The following MID2 variants were observed in gnomAD, a reference collection of about 807,000 sequenced individuals.
MID2 encodes midline 2.
In MID2, 13 loss-of-function variants were observed where a neutral mutation model predicts 46.1. That is an observed-to-expected ratio of 0.28 (90% confidence interval 0.18 to 0.45). The LOEUF (loss-of-function observed/expected upper bound fraction) is 0.45. Among genes scored for constraint, MID2 ranks in the 20% least tolerant of loss-of-function variants. MID2 has a pLI of 1.00. For synonymous variants in MID2, 199 were observed against 212.3 expected (o/e 0.94, Z 0.55); for missense variants, 431 against 575.4 (o/e 0.75, Z 2.57).
At chrX:107,905,740 A>G in intron 5 of MID2, 114 bp downstream of exon 5, 4 of 633,986 alleles carry the variant, frequency 6.3e-6, no homozygotes, top group Non-Finnish European at 9.5e-6. Context: ...TTTACCAGTT[A>G]AGTAGTTATT....
intron 1 of MID2, among the ~76,000 whole-genome samples, chrX:107,828,305 C>CTT (rs1290598489): frequency 1.8e-4 from 16 of 89,028 alleles, no homozygotes; most frequent in African/African-American, 8.9e-4. Flanking sequence ...TTCTTTCTTT[C>CTT]TTTTCTTTTT....
rs1933130751 is a variant in MID2 at position 107,924,347 on chromosome X, G to A, written c.1440G>A (p.Leu480=). 8.3e-7 allele frequency: 1 copy of A among 1,208,593 alleles called. No homozygotes were observed. Among genetic ancestry groups the A allele is most frequent in the Non-Finnish European group, 1.1e-6 (1 of 893,034 alleles). The change falls in exon 8 of 10, where the codon CTG becomes CTA. Residue 480 remains leucine, a synonymous_variant. Transcript: ENST00000262843. The stretch of plus-strand genomic sequence containing the variant: ...TTGTCTTTCCCCATGTTACAGGCCT[G>A]TATAATTCAGTAGACAGCTGGATGA... ...CSRLAGAPRG[L]YNSVDSWMIV...
At chrX:107,838,714 T>C (rs1250680997) in intron 1 of MID2, among the ~76,000 whole-genome samples, 1 of 112,432 alleles carries the variant, frequency 8.9e-6, no homozygotes, top group East Asian at 2.8e-4. Flanking sequence ...CCTGTGACAA[T>C]ATCTGAACAA....
chrX:107,841,348 AGGTCGC>A lies in MID2; in HGVS notation c.684_689del (p.Val229_Ala230del). On this transcript the variant is annotated inframe_deletion, in exon 2 of 10. Coordinates refer to ENST00000262843, the MANE Select transcript of MID2 (RefSeq NM_012216.4). Reference sequence around the variant, plus strand: ...CTGGTGGGTCGTCACCGAGACCATCAGGTCGCATCCCTGAATGATCGATTTGAGAAA... The same window carrying A: ...CTGGTGGGTCGTCACCGAGACCATCAATCCCTGAATGATCGATTTGAGAAA... The A allele has an allele frequency of 1.7e-6, 2 of 1,205,134 alleles. No individual in the cohort carries two copies. Among genetic ancestry groups the A allele is most frequent in the Non-Finnish European group, 2.2e-6 (2 of 891,337 alleles).
At chrX:107,844,446 C>T (rs1931416318) in intron 2 of MID2, among the ~76,000 whole-genome samples, 1 of 111,731 alleles carries the variant, frequency 9.0e-6, no homozygotes, top group African/African-American at 3.2e-5. Flanking sequence ...TCACTTTTCA[C>T]TCACTAGTCC....
intron 5 of MID2, among the ~76,000 whole-genome samples, chrX:107,908,534 A>C (rs1381372484): frequency 9.0e-6 from 1 of 110,887 alleles, no homozygotes; most frequent in African/African-American, 3.3e-5. Context: ...AGATATTATA[A>C]CTTTCATCTC....
intron 1 of MID2, among the ~76,000 whole-genome samples, chrX:107,835,368 A>G (rs1931179758): frequency 8.9e-6 from 1 of 111,850 alleles, no homozygotes; most frequent in Non-Finnish European, 1.9e-5. Context: ...TTGGGTATAT[A>G]CCTAGGAGTG....
intron 2 of MID2, among the ~76,000 whole-genome samples, chrX:107,847,512 T>C (rs778068126): frequency 9.0e-6 from 1 of 111,712 alleles, no homozygotes; most frequent in South Asian, 3.8e-4. Context: ...TTATACACCA[T>C]GAAGAGAATG....
chrX:107,885,116 T>TA (rs1196491431), intron 3 of MID2, among the ~76,000 whole-genome samples: 1 of 110,006 alleles, frequency 9.1e-6, no homozygotes, highest in Non-Finnish European at 1.9e-5. Context: ...TTTATTTATT[T>TA]ATTTATTTAT....
At chrX:107,885,393 T>C (rs1932429787) in intron 3 of MID2, among the ~76,000 whole-genome samples, 1 of 108,755 alleles carries the variant, frequency 9.2e-6, no homozygotes, top group Admixed American at 9.9e-5. Context: ...GTCTTTGCGA[T>C]AGTTTGCTGA....
rs1480133894 is a variant in MID2 at position 107,841,390 on chromosome X, G to C, written c.720+5G>C. ...GATCGATTTGAGAAACTCAAGGTAA[G>C]GGATCTGGGGAGCATCCCCTATACA... On this transcript the variant is annotated splice_donor_5th_base_variant and intron_variant, in intron 2 of 9. Transcript: ENST00000262843. 7.0e-6 allele frequency: 8 copies of C among 1,146,534 alleles called. No individual in the cohort carries two copies. Among genetic ancestry groups the C allele is most frequent in the Non-Finnish European group, 8.2e-6 (7 of 850,235 alleles). 94.5% of individuals were successfully genotyped at this position (1,146,534 alleles called of 1,213,427 possible).
At chrX:107,916,694 T>G (rs1322077210) in intron 6 of MID2, among the ~76,000 whole-genome samples, 1 of 112,832 alleles carries the variant, frequency 8.9e-6, no homozygotes, top group Non-Finnish European at 1.9e-5. Flanking sequence ...GTTACTATAT[T>G]AAATAGCTGC....
At chrX:107,834,383 T>A (rs192141891) in intron 1 of MID2, among the ~76,000 whole-genome samples, 61 of 112,096 alleles carry the variant, frequency 5.4e-4, no homozygotes, top group Admixed American at 9.5e-4. Context: ...ATTTCATCAA[T>A]GCGTTTTTAT....
At chrX:107,839,186 T>A (rs1203094133) in intron 1 of MID2, among the ~76,000 whole-genome samples, 2 of 111,065 alleles carry the variant, frequency 1.8e-5, no homozygotes, top group Non-Finnish European at 3.8e-5. Context: ...CAGTAAGATA[T>A]GTTTTATATT....
chrX:107,911,521 C>T (rs893690293), intron 5 of MID2, among the ~76,000 whole-genome samples: 7 of 111,632 alleles, frequency 6.3e-5, no homozygotes, highest in Non-Finnish European at 1.1e-4. Flanking sequence ...TTTGTGGATA[C>T]GAACTATTTG....
chrX:107,859,665 G>A (rs925773324), intron 3 of MID2, among the ~76,000 whole-genome samples: 1 of 112,592 alleles, frequency 8.9e-6, no homozygotes, highest in Non-Finnish European at 1.9e-5. Flanking sequence ...CATGGAGGAG[G>A]AAACACTCAG....
At chrX:107,911,603 A>G (rs1255514558) in intron 5 of MID2, among the ~76,000 whole-genome samples, 2 of 111,719 alleles carry the variant, frequency 1.8e-5, no homozygotes, top group Non-Finnish European at 3.8e-5. Context: ...GTTTCCTCCC[A>G]GTTCCTTTTC....
chrX:107,844,875 C>T (rs770633492), intron 2 of MID2, among the ~76,000 whole-genome samples: 6 of 111,960 alleles, frequency 5.4e-5, no homozygotes, highest in African/African-American at 1.9e-4. Context: ...ATCACAGCTA[C>T]GTCATAATCT....
chrX:107,848,191 T>G (rs1392046165), intron 2 of MID2, among the ~76,000 whole-genome samples: 1 of 110,005 alleles, frequency 9.1e-6, no homozygotes, highest in Non-Finnish European at 1.9e-5. Flanking sequence ...GGTCTAGAAA[T>G]TAGGCATGAA....
Sources: allele counts gnomAD v4.1 joint callset (sites outside exome capture counted in the v4.1 genomes callset), GRCh38; gene constraint gnomAD v4.1.1; transcripts MANE v1.5; gene names NCBI Gene and HGNC (gene_info 2026-07-23, HGNC 2026-07-21).